CSGALNACT1: variants seen among roughly 807,000 people sequenced by gnomAD.
CSGALNACT1 encodes beta4GalNAcT-1.
A neutral mutation model predicts 51.0 loss-of-function variants in CSGALNACT1; 52 were observed. That is an observed-to-expected ratio of 1.02 (90% CI 0.82 to 1.29). The LOEUF (loss-of-function observed/expected upper bound fraction) is 1.29, where lower values mean the gene tolerates loss of function less well. CSGALNACT1 is among the 50% of genes most tolerant of loss of function. The pLI, the probability that CSGALNACT1 is intolerant of heterozygous loss-of-function variation, is 0.00. For missense variants in CSGALNACT1, 935 were observed against 679.2 expected (o/e 1.38, Z -4.19); for synonymous variants, 341 against 254.4 (o/e 1.34, Z -3.24).
chr8:19,446,526 C>T (rs1415857304), intron 5 of CSGALNACT1, among the ~76,000 whole-genome samples: 1 of 151,692 alleles, frequency 6.6e-6, no homozygotes, highest in East Asian at 1.9e-4. Context: ...CATTCATTCA[C>T]TCATTCAGTT....
chr8:19,486,138 CA>C (rs1413267998), intron 4 of CSGALNACT1, among the ~76,000 whole-genome samples: 2 of 150,450 alleles, frequency 1.3e-5, no homozygotes, highest in African/African-American at 2.4e-5. Flanking sequence ...AAAAAAAAAA[CA>C]AAAAAAACAG....
At chr8:19,674,037 C>G (rs1005882356) in intron 1 of CSGALNACT1, among the ~76,000 whole-genome samples, 2 of 152,180 alleles carry the variant, frequency 1.3e-5, no homozygotes, top group Non-Finnish European at 2.9e-5. Flanking sequence ...CCTGTCATCC[C>G]AACACTTTGG....
At chr8:19,586,407 G>GAA (rs34752027) in intron 3 of CSGALNACT1, among the ~76,000 whole-genome samples, 9 of 94,836 alleles carry the variant, frequency 9.5e-5, no homozygotes, top group Non-Finnish European at 1.3e-4. Flanking sequence ...TAGTCTTATA[G>GAA]AAAAAAAAAA....
At chr8:19,630,266 T>C (rs1225684881) in intron 1 of CSGALNACT1, among the ~76,000 whole-genome samples, 1 of 150,692 alleles carries the variant, frequency 6.6e-6, no homozygotes, top group African/African-American at 2.5e-5. Flanking sequence ...TCTAGTAAAA[T>C]TTTATTTGTA....
intron 3 of CSGALNACT1, among the ~76,000 whole-genome samples, chr8:19,564,511 C>A (rs1158853649): frequency 1.3e-5 from 2 of 152,092 alleles, no homozygotes; most frequent in African/African-American, 4.8e-5. Context: ...TAATTTCCCA[C>A]CACAGGTTCC....
At chr8:19,526,595 T>C (rs944211262) in intron 3 of CSGALNACT1, among the ~76,000 whole-genome samples, 1 of 151,948 alleles carries the variant, frequency 6.6e-6, no homozygotes, top group Non-Finnish European at 1.5e-5. Context: ...ATAATAATAA[T>C]AATTTATATA....
intron 4 of CSGALNACT1, among the ~76,000 whole-genome samples, chr8:19,459,500 G>A (rs997861384): frequency 1.3e-5 from 2 of 152,016 alleles, no homozygotes; most frequent in Middle Eastern, 3.4e-3. Flanking sequence ...TGGGTTGGGG[G>A]ACCCTCTGGA....
chr8:19,505,577 C>A (rs760830087), exon 4 of CSGALNACT1: 3 of 1,614,038 alleles, frequency 1.9e-6, no homozygotes, highest in East Asian at 2.2e-5. Flanking sequence ...TCCTCTCCTG[C>A]AGCTCCTCCT....
intron 1 of CSGALNACT1, among the ~76,000 whole-genome samples, chr8:19,644,555 C>T (rs2057072362): frequency 6.6e-6 from 1 of 150,896 alleles, no homozygotes; most frequent in African/African-American, 2.4e-5. Flanking sequence ...ACTAAAAATA[C>T]AAAAATTAGC....
chr8:19,574,909 C>A (rs1258628007), intron 3 of CSGALNACT1, among the ~76,000 whole-genome samples: 1 of 152,056 alleles, frequency 6.6e-6, no homozygotes, highest in Non-Finnish European at 1.5e-5. Context: ...GTAGCGGGTA[C>A]CTGTAGTCTC....
intron 1 of CSGALNACT1, chr8:19,732,318 T>TA (rs2063736748): frequency 6.6e-6 from 1 of 152,188 alleles, no homozygotes. Flanking sequence ...ATTTCTACAA[T>TA]AAAATACATC....
intron 1 of CSGALNACT1, among the ~76,000 whole-genome samples, chr8:19,690,368 C>T (rs561859564): frequency 6.6e-6 from 1 of 152,192 alleles, no homozygotes; most frequent in East Asian, 1.9e-4. Context: ...TAATATCATC[C>T]TGCTCCCAGG....
At chr8:19,448,706 T>C (rs955173692) in intron 5 of CSGALNACT1, among the ~76,000 whole-genome samples, 6 of 152,180 alleles carry the variant, frequency 3.9e-5, no homozygotes, top group African/African-American at 1.4e-4. Context: ...CTTTCACAGC[T>C]GAGAAAGACA....
chr8:19,437,968 G>A (rs1259215942), intron 6 of CSGALNACT1, among the ~76,000 whole-genome samples: 1 of 152,212 alleles, frequency 6.6e-6, no homozygotes, highest in Non-Finnish European at 1.5e-5. Flanking sequence ...AGAATGTATT[G>A]ATAAAGGTAT....
intron 4 of CSGALNACT1, among the ~76,000 whole-genome samples, chr8:19,474,528 G>A (rs192121033): frequency 3.2e-4 from 49 of 152,076 alleles, no homozygotes; most frequent in Admixed American, 1.6e-3. Flanking sequence ...GATATGCTTC[G>A]GCTGACCCAT....
intron 6 of CSGALNACT1, among the ~76,000 whole-genome samples, chr8:19,428,679 T>C (rs1034667849): frequency 6.6e-6 from 1 of 152,130 alleles, no homozygotes; most frequent in East Asian, 1.9e-4. Context: ...TTAAGTACGA[T>C]GCTTCTTTTA....
intron 1 of CSGALNACT1, among the ~76,000 whole-genome samples, chr8:19,730,654 G>A (rs956525510): frequency 2.6e-5 from 4 of 152,310 alleles, no homozygotes; most frequent in Admixed American, 6.5e-5. Flanking sequence ...CACCTCCCAG[G>A]TGACAGCCAC....
chr8:19,715,617 C>T (rs543011743), intron 1 of CSGALNACT1, among the ~76,000 whole-genome samples: 22 of 152,174 alleles, frequency 1.4e-4, no homozygotes, highest in South Asian at 2.1e-4. Flanking sequence ...TATAATAGAA[C>T]GATTTTATCT....
intron 1 of CSGALNACT1, among the ~76,000 whole-genome samples, chr8:19,656,589 A>C (rs2154187611): frequency 1.9e-5 from 2 of 104,398 alleles, no homozygotes; most frequent in Admixed American, 9.6e-5. Context: ...AGGAGAAACT[A>C]CGCCCCCCCC....
Sources: allele counts gnomAD v4.1 joint callset (sites outside exome capture counted in the v4.1 genomes callset), GRCh38; gene constraint gnomAD v4.1.1; transcripts MANE v1.5; gene names NCBI Gene and HGNC (gene_info 2026-07-23, HGNC 2026-07-21).